ATXN2: variants seen among roughly 807,000 people sequenced by gnomAD.
ATXN2 encodes ataxin 2.
Under a neutral mutation model 138.6 loss-of-function variants are expected in ATXN2, and 37 were observed. That is an observed-to-expected ratio of 0.27 (90% confidence interval 0.21 to 0.35). The LOEUF (loss-of-function observed/expected upper bound fraction) is 0.35, where lower values mean the gene tolerates loss of function less well. Among genes scored for constraint, ATXN2 ranks in the 10% least tolerant of loss-of-function variants. The pLI is 1.00. For synonymous variants in ATXN2, 549 were observed against 543.7 expected (o/e 1.01, Z -0.13); for missense variants, 1,216 against 1,480.3 (o/e 0.82, Z 2.93).
intron 5 of ATXN2, among the ~76,000 whole-genome samples, chr12:111,535,312 G>A (rs1881084978): frequency 1.3e-5 from 2 of 152,116 alleles, no homozygotes; most frequent in South Asian, 4.1e-4. Context: ...TTCACGTTGG[G>A]ATTAAATCCA....
intron 1 of ATXN2, among the ~76,000 whole-genome samples, chr12:111,563,895 A>C (rs1882837266): frequency 6.6e-6 from 1 of 152,158 alleles, no homozygotes; most frequent in Admixed American, 6.5e-5. Context: ...TGCTGTTTTC[A>C]ACTCTCCAGT....
intron 18 of ATXN2, among the ~76,000 whole-genome samples, chr12:111,481,146 C>G (rs1412121058): frequency 6.6e-6 from 1 of 151,998 alleles, no homozygotes; most frequent in African/African-American, 2.4e-5. Flanking sequence ...TCCATCTCTA[C>G]TAAAAATACA....
In ATXN2 at chr12:111,554,223, A is replaced by G. The variant is rs1344725060; in HGVS notation, c.289-6T>C. 1.4e-6 allele frequency: 2 copies of G among 1,392,730 alleles called. No homozygotes were observed. The highest frequency in any genetic ancestry group is 1.5e-5 in the African/African-American group (1 of 66,586). 86.3% of individuals were successfully genotyped at this position (1,392,730 alleles called of 1,614,324 possible). ...TAGATTCCATCAAAAGAAATCTGGAATATTAAAAAAAAAAAAAACTATTAG... is the reference window on the plus strand; with the variant it reads ...TAGATTCCATCAAAAGAAATCTGGAGTATTAAAAAAAAAAAAAACTATTAG... On this transcript the variant is annotated splice_region_variant and splice_polypyrimidine_tract_variant and intron_variant, in intron 2 of 24. Coordinates refer to ENST00000673436, the MANE Select transcript of ATXN2 (RefSeq NM_001372574.1).
intron 6 of ATXN2, among the ~76,000 whole-genome samples, chr12:111,524,317 T>C (rs1048965775): frequency 3.3e-5 from 5 of 152,206 alleles, no homozygotes; most frequent in African/African-American, 1.2e-4. Flanking sequence ...CAAACACAGA[T>C]ATGTTACAAA....
At chr12:111,476,706 C>T (rs1028475722) in intron 18 of ATXN2, among the ~76,000 whole-genome samples, 13 of 152,024 alleles carry the variant, frequency 8.6e-5, no homozygotes, top group Non-Finnish European at 1.9e-4. Flanking sequence ...AAAACTGATA[C>T]AAAGAAAACT....
intron 5 of ATXN2, among the ~76,000 whole-genome samples, chr12:111,545,214 A>G (rs1351864405): frequency 6.6e-6 from 1 of 152,158 alleles, no homozygotes; most frequent in Non-Finnish European, 1.5e-5. Flanking sequence ...CAGGAAGTGA[A>G]TAGGTTTTCA....
intron 14 of ATXN2, among the ~76,000 whole-genome samples, chr12:111,503,717 G>A (rs554264062): frequency 1.3e-5 from 2 of 151,826 alleles, no homozygotes; most frequent in East Asian, 3.9e-4. Flanking sequence ...AGCCTCCTGA[G>A]TAGCTGGGAT....
Position 111,598,367 on chromosome 12 carries a change from C to T in ATXN2, c.251+417G>A. The T allele has an allele frequency of 2.0e-6, 2 of 988,422 alleles. No homozygotes were observed. Among genetic ancestry groups the T allele is most frequent in the Non-Finnish European group, 2.4e-6 (2 of 831,690 alleles). 61.2% of individuals were successfully genotyped at this position (988,422 alleles called of 1,614,324 possible). On this transcript the variant is annotated intron_variant, in intron 1 of 24. Coordinates refer to ENST00000673436, the MANE Select transcript of ATXN2 (RefSeq NM_001372574.1). The surrounding 1 kb of genome is among the most constrained non-coding windows in gnomAD (Gnocchi z 4.5). ...CATGTTCCGGAAAACGCCACCACAGCCTCCAGACCCCTCCAACGTTCACAC... is the reference window on the plus strand; with the variant it reads ...CATGTTCCGGAAAACGCCACCACAGTCTCCAGACCCCTCCAACGTTCACAC...
At chr12:111,574,296 A>G (rs1883507111) in intron 1 of ATXN2, among the ~76,000 whole-genome samples, 1 of 139,074 alleles carries the variant, frequency 7.2e-6, no homozygotes, top group South Asian at 2.8e-4. Context: ...CGACAGAGCA[A>G]GACTCTGTCT....
At chr12:111,498,380 G>A (rs1244426943) in intron 14 of ATXN2, among the ~76,000 whole-genome samples, 1 of 152,042 alleles carries the variant, frequency 6.6e-6, no homozygotes, top group African/African-American at 2.4e-5. Context: ...TAAAATTGCA[G>A]GATACAAAAA....
intron 1 of ATXN2, among the ~76,000 whole-genome samples, chr12:111,584,017 A>T (rs1025153510): frequency 1.3e-5 from 2 of 151,836 alleles, no homozygotes; most frequent in African/African-American, 4.8e-5. Flanking sequence ...ACTCTTTCTC[A>T]ATCCTTTTAC....
chr12:111,529,763 A>G (rs1322011566), intron 5 of ATXN2, among the ~76,000 whole-genome samples: 2 of 152,230 alleles, frequency 1.3e-5, no homozygotes, highest in Admixed American at 6.5e-5. Flanking sequence ...CCTCTGAAAA[A>G]TCATTCAAAC....
intron 8 of ATXN2, among the ~76,000 whole-genome samples, chr12:111,519,451 A>C (rs1333107275): frequency 2.0e-5 from 3 of 152,210 alleles, no homozygotes; most frequent in Non-Finnish European, 1.5e-5. Context: ...TCTAAGTGTC[A>C]AAGACCCTAT....
intron 5 of ATXN2, among the ~76,000 whole-genome samples, chr12:111,534,017 A>C (rs1336945548): frequency 3.3e-5 from 5 of 152,072 alleles, no homozygotes; most frequent in Admixed American, 2.0e-4. Context: ...AGAAAAAAAA[A>C]CAGTTATTCC....
At chr12:111,589,698 A>G (rs1324572149) in intron 1 of ATXN2, among the ~76,000 whole-genome samples, 1 of 151,304 alleles carries the variant, frequency 6.6e-6, no homozygotes, top group Non-Finnish European at 1.5e-5. Context: ...TTTGAACGCA[A>G]GAGGCAGAGG....
At chr12:111,483,529 G>A (rs1052792805) in intron 18 of ATXN2, among the ~76,000 whole-genome samples, 1 of 119,888 alleles carries the variant, frequency 8.3e-6, no homozygotes, top group African/African-American at 3.2e-5. Flanking sequence ...GCTGATCTTT[G>A]TATTTTTAGT....
intron 5 of ATXN2, among the ~76,000 whole-genome samples, chr12:111,533,327 G>A (rs1269363736): frequency 6.6e-6 from 1 of 152,160 alleles, no homozygotes; most frequent in Non-Finnish European, 1.5e-5. Flanking sequence ...ATCCAGGGAT[G>A]CTTAAGTCCC....
chr12:111,506,533 A>G (rs919663807), intron 14 of ATXN2, among the ~76,000 whole-genome samples: 1 of 152,174 alleles, frequency 6.6e-6, no homozygotes, highest in South Asian at 2.1e-4. Context: ...CAAGTGTAGT[A>G]TAAGAGGAGA....
intron 18 of ATXN2, 53 bp from the exon 19 acceptor site, chr12:111,470,795 C>T (rs747830933): frequency 4.5e-6 from 7 of 1,566,172 alleles, no homozygotes; most frequent in Non-Finnish European, 3.5e-6. Flanking sequence ...CAGCATAATA[C>T]ATGTGTTCAC....
Sources: gnomAD v4.1 joint callset for allele counts (sites outside exome capture counted in the v4.1 genomes callset) on GRCh38, gnomAD v4.1.1 for gene constraint, Gnocchi (gnomAD v3.1) non-coding constraint, MANE v1.5 for transcripts, NCBI Gene and HGNC (gene_info 2026-07-23, HGNC 2026-07-21) for gene names.